Variants in CEP162 observed in about 807,000 individuals in gnomAD.
CEP162 encodes the protein centrosomal protein of 162 kDa.
In CEP162, 141 loss-of-function variants were observed where a neutral mutation model predicts 169.2. The ratio of observed to expected loss-of-function variants is 0.83; its 90% CI spans 0.73 to 0.96. The LOEUF (loss-of-function observed/expected upper bound fraction) is 0.96. Ranked by LOEUF, CEP162 falls within the 40% of genes least tolerant of loss-of-function variation. The pLI is 0.00. For missense variants in CEP162, 1,600 were observed against 1,587.2 expected (o/e 1.01, Z -0.14); for synonymous variants, 540 against 526.4 (o/e 1.03, Z -0.35).
chr6:84,141,495 G>A (rs776053927), intron 25 of CEP162, among the ~76,000 whole-genome samples: 4 of 152,140 alleles, frequency 2.6e-5, no homozygotes, highest in Non-Finnish European at 2.9e-5. Context: ...AAGATCTTCC[G>A]ATCTCTGGGT....
intron 9 of CEP162, among the ~76,000 whole-genome samples, chr6:84,198,689 G>C (rs2099543187): frequency 6.6e-6 from 1 of 152,176 alleles, no homozygotes; most frequent in African/African-American, 2.4e-5. Flanking sequence ...ATTATTAACA[G>C]AGGGTTGACA....
chr6:84,216,088 T>C (rs2099551435), intron 3 of CEP162, 166 bp from the exon 4 acceptor site: 2 of 836,588 alleles, frequency 2.4e-6, no homozygotes, highest in African/African-American at 1.8e-5. Context: ...AAAAGAAAGA[T>C]TATAATTCTA....
At chr6:84,175,073 A>G in intron 14 of CEP162, 119 bp from the exon 15 acceptor site, 1 of 911,728 alleles carries the variant, frequency 1.1e-6, no homozygotes, top group Non-Finnish European at 1.6e-6. Context: ...ATATAAGAAA[A>G]TTAACTGTTT....
chr6:84,154,123 G>C (rs1243045451), intron 22 of CEP162, among the ~76,000 whole-genome samples: 1 of 152,136 alleles, frequency 6.6e-6, no homozygotes, highest in Non-Finnish European at 1.5e-5. Flanking sequence ...GAGACAAGTA[G>C]TAAGCAAAGG....
In CEP162 at chr6:84,194,869, T is replaced by A. The variant is rs769399025; in HGVS notation, c.1027+15A>T. ...GGATATCAAATAATTGAAAAATTCA[T>A]CTGTAAGTTTTTACCAGATTCCATA... On this transcript the variant is annotated intron_variant, in intron 10 of 26. Coordinates refer to ENST00000403245, the MANE Select transcript of CEP162 (RefSeq NM_014895.4). 1.9e-6 allele frequency: 3 copies of A among 1,545,860 alleles called. No homozygotes were observed. The highest frequency in any genetic ancestry group is 2.8e-5 in the African/African-American group (2 of 72,622).
At chr6:84,215,618 T>A in intron 4 of CEP162, among the ~76,000 whole-genome samples, 153 bp from the exon 5 acceptor site, 1 of 152,202 alleles carries the variant, frequency 6.6e-6, no homozygotes, top group East Asian at 1.9e-4. Flanking sequence ...TAATAATACG[T>A]AAGGTTTAAA....
chr6:84,223,113 T>C (rs963107632), intron 2 of CEP162, among the ~76,000 whole-genome samples: 6 of 152,232 alleles, frequency 3.9e-5, no homozygotes, highest in African/African-American at 1.4e-4. Context: ...TGAAGACTTC[T>C]AATACATGAT....
intron 25 of CEP162, among the ~76,000 whole-genome samples, chr6:84,130,403 T>C (rs1490883664): frequency 6.6e-6 from 1 of 152,188 alleles, no homozygotes; most frequent in South Asian, 2.1e-4. Context: ...CCTCTTTTTC[T>C]ATTGTGTGGA....
At chr6:84,154,244 A>G (rs2497155) in intron 22 of CEP162, among the ~76,000 whole-genome samples, 140,893 of 152,174 alleles carry the variant, frequency 0.93, 65,332 homozygotes, top group African/African-American at 0.98. Context: ...AGTCTTATTT[A>G]GTTGGTGGAA....
chr6:84,154,909 T>G (rs565572903), intron 22 of CEP162, among the ~76,000 whole-genome samples: 1 of 152,192 alleles, frequency 6.6e-6, no homozygotes, highest in South Asian at 2.1e-4. Context: ...TCCTAAAATG[T>G]ATACTTCTGT....
intron 25 of CEP162, among the ~76,000 whole-genome samples, chr6:84,145,257 C>CA (rs1280819817): frequency 4.6e-5 from 7 of 152,060 alleles, no homozygotes; most frequent in African/African-American, 1.7e-4. Context: ...GTATTGCAGG[C>CA]AAAATCTGAT....
At chr6:84,221,518 AC>A (rs1375081470) in intron 2 of CEP162, among the ~76,000 whole-genome samples, 71 of 152,236 alleles carry the variant, frequency 4.7e-4, no homozygotes, top group African/African-American at 1.7e-3. Context: ...TAATGGCTGA[AC>A]AAAATTGCAT....
chr6:84,163,359 A>G lies in CEP162; in HGVS notation c.2386-89T>C, dbSNP rs1044692449. On this transcript the variant is annotated intron_variant, in intron 18 of 26. Coordinates refer to ENST00000403245, the MANE Select transcript of CEP162 (RefSeq NM_014895.4). ...TTTCAAACAATCCATCATGAACACT[A>G]CGGCAAAATATTTTCTCTAAATTTT... is the stretch of plus-strand genomic sequence containing the variant. 4 of 934,180 alleles carry G rather than the reference A, an allele frequency of 4.3e-6. No homozygotes were observed. In the African/African-American group the frequency reaches 4.9e-5, roughly 12 times the overall value. 57.9% of individuals were successfully genotyped at this position (934,180 alleles called of 1,614,324 possible).
chr6:84,222,170 C>T lies in CEP162; in HGVS notation c.58-999G>A, dbSNP rs570630125. Among the ~76,000 whole-genome samples, 93 of 152,234 alleles carry T rather than the reference C, an allele frequency of 6.1e-4. No individual in the cohort carries two copies. In the South Asian group the frequency reaches 9.1e-3, roughly 15 times the overall value. ...TCACTTAACCCCTTATAATCTGGTT[C>T]CCAACCAAAACAGCTCTCCTCCAGG... On this transcript the variant is annotated intron_variant, in intron 2 of 26. Transcript: ENST00000403245.
At chr6:84,173,976 T>G in intron 16 of CEP162, 72 bp downstream of exon 16, 1 of 1,332,858 alleles carries the variant, frequency 7.5e-7, no homozygotes, top group Non-Finnish European at 1.1e-6. Flanking sequence ...TAAGCCACTG[T>G]GCCTGGCCTG....
chr6:84,138,828 A>T (rs1286954616), intron 25 of CEP162, among the ~76,000 whole-genome samples: 3 of 152,216 alleles, frequency 2.0e-5, no homozygotes, highest in Non-Finnish European at 4.4e-5. Flanking sequence ...CTGTAAACTT[A>T]GTGCTTATGT....
In CEP162 at chr6:84,192,415, T is replaced by C. The variant is rs114178540; in HGVS notation, c.1109+1194A>G. ...AAAATCTCTGTAGTTACCGCTAACA[T>C]ACTCCCAAACAGCAATGATGAGTGG... On this transcript the variant is annotated intron_variant, in intron 11 of 26. Transcript: ENST00000403245. Among the ~76,000 whole-genome samples, 296 of 152,340 alleles carry C rather than the reference T, an allele frequency of 1.9e-3. 1 individual carries two copies. Among genetic ancestry groups the C allele is most frequent in the African/African-American group, 6.8e-3 (284 of 41,576 alleles).
rs184588904 is a variant in CEP162, at chr6:84,169,326, A to G, written c.2385+2T>C. The G allele has an allele frequency of 1.3e-6, 2 of 1,527,980 alleles. No individual in the cohort carries two copies. Among genetic ancestry groups the G allele is most frequent in the East Asian group, 4.7e-5 (2 of 42,840 alleles). The allele number at this position is 1,527,980 out of a possible 1,614,324, so 94.7% of individuals were successfully genotyped here. On this transcript the variant is annotated splice_donor_variant, in intron 18 of 26. Transcript: ENST00000403245. LOFTEE classifies it high-confidence loss of function. ...AATAGTCAAAATCGTTATGCAACTT[A>G]CCTGTGCCATCCGTAGTTCTGCTAA...
At chr6:84,174,661 G>C (rs971174899) in intron 15 of CEP162, 66 bp downstream of exon 15, 1 of 727,906 alleles carries the variant, frequency 1.4e-6, no homozygotes, top group African/African-American at 1.9e-5. Flanking sequence ...AATGTATTTA[G>C]CAGGGAATTC....
Sources: gnomAD v4.1 joint callset for allele counts (sites outside exome capture counted in the v4.1 genomes callset) on GRCh38, gnomAD v4.1.1 for gene constraint, MANE v1.5 for transcripts, NCBI Gene and HGNC (gene_info 2026-07-23, HGNC 2026-07-21) for gene names.